The following PCDH15 variants were observed in gnomAD, a reference collection of about 807,000 sequenced individuals.
PCDH15 encodes the protein protocadherin-15.
PCDH15 carries 129 observed loss-of-function variants against 178.5 expected under a neutral mutation model. The ratio of observed to expected loss-of-function variants is 0.72; its 90% CI spans 0.63 to 0.84. The LOEUF (loss-of-function observed/expected upper bound fraction) is 0.84, where lower values mean the gene tolerates loss of function less well. PCDH15 is among the 40% of genes least tolerant of loss of function. The pLI, the probability that PCDH15 is intolerant of heterozygous loss-of-function variation, is 0.00. For missense variants in PCDH15, 2,230 were observed against 2,099.9 expected, an observed-to-expected ratio of 1.06 and a Z score of -1.21; for synonymous variants, 800 against 732.0, an observed-to-expected ratio of 1.09 and a Z score of -1.50.
At chr10:53,843,737 GA>G (rs2132819564) in intron 28 of PCDH15, among the ~76,000 whole-genome samples, 1 of 152,038 alleles carries the variant, frequency 6.6e-6, no homozygotes, top group East Asian at 1.9e-4. Context: ...GTTTAAAAAT[GA>G]AAAAAATTAA....
chr10:55,010,920 T>C (rs1395857572), intron 2 of PCDH15, among the ~76,000 whole-genome samples: 1 of 152,074 alleles, frequency 6.6e-6, no homozygotes, highest in Non-Finnish European at 1.5e-5. Flanking sequence ...TCTTCTTTCA[T>C]AGGAAAACCC....
chr10:54,619,458 A>G (rs1457278033), intron 2 of PCDH15: 3 of 152,092 alleles, frequency 2.0e-5, no homozygotes, highest in African/African-American at 7.2e-5. Flanking sequence ...TAATATAATT[A>G]TTACATCTAG....
At chr10:55,107,589 T>C (rs1837387286) in intron 2 of PCDH15, among the ~76,000 whole-genome samples, 1 of 149,440 alleles carries the variant, frequency 6.7e-6, no homozygotes, top group Non-Finnish European at 1.5e-5. Context: ...CCTCCTGGGT[T>C]CAAGCGATTC....
intron 7 of PCDH15, among the ~76,000 whole-genome samples, chr10:54,323,056 A>G (rs1284730871): frequency 6.6e-6 from 1 of 152,188 alleles, no homozygotes; most frequent in East Asian, 1.9e-4. Flanking sequence ...GGCAAGGGAC[A>G]TGAACAGACA....
intron 26 of PCDH15, among the ~76,000 whole-genome samples, chr10:53,878,215 A>AATAT (rs140273411): frequency 0.028 from 3,621 of 127,164 alleles, 90 homozygotes; most frequent in East Asian, 0.11. Context: ...ACACACTTTG[A>AATAT]ATATATATAT....
intron 3 of PCDH15, among the ~76,000 whole-genome samples, chr10:54,413,034 CTGAACT>C (rs1214540916): frequency 6.6e-6 from 1 of 152,188 alleles, no homozygotes; most frequent in Non-Finnish European, 1.5e-5. Context: ...TACTTGCTTA[CTGAACT>C]TTGTATTCCA....
intron 3 of PCDH15, among the ~76,000 whole-genome samples, chr10:54,834,421 C>T (rs1182079444): frequency 2.0e-5 from 3 of 151,866 alleles, no homozygotes; most frequent in African/African-American, 4.8e-5. Flanking sequence ...TCAGGTGATT[C>T]GCCCGCCTCA....
chr10:53,827,217 T>G lies in PCDH15; in HGVS notation c.4367+176A>C, dbSNP rs543584936. On this transcript the variant is annotated intron_variant, in intron 32 of 37. Transcript: ENST00000644397. ...TAATTTCTGGTTTGGTTTTGGCTAT[T>G]ATTTTTCAACTTAACCTTTCTTAGA... 3.0e-4 allele frequency among the ~76,000 whole-genome samples: 46 copies of G among 152,292 alleles called. 1 individual carries two copies. Among genetic ancestry groups the G allele is most frequent in the Middle Eastern group, 3.4e-3 (1 of 294 alleles).
intron 1 of PCDH15, among the ~76,000 whole-genome samples, chr10:54,751,584 A>G (rs1159011952): frequency 6.6e-6 from 1 of 152,186 alleles, no homozygotes; most frequent in African/African-American, 2.4e-5. Context: ...TTAGAGAAAA[A>G]TTGGACAAAT....
At chr10:55,584,425 G>A (rs1298829182) in intron 2 of PCDH15, among the ~76,000 whole-genome samples, 3 of 151,396 alleles carry the variant, frequency 2.0e-5, no homozygotes, top group African/African-American at 4.8e-5. Flanking sequence ...TTGAGAGACC[G>A]ACCTGGGCAG....
chr10:54,333,461 T>C (rs1342286), intron 6 of PCDH15, among the ~76,000 whole-genome samples: 102,241 of 151,328 alleles, frequency 0.68, 35,285 homozygotes, highest in Middle Eastern at 0.82. Context: ...GGTATCTTTA[T>C]GATAGTCTTC....
chr10:54,099,698 A>G (rs1033269710), intron 15 of PCDH15, among the ~76,000 whole-genome samples: 2 of 151,794 alleles, frequency 1.3e-5, no homozygotes, highest in Non-Finnish European at 2.9e-5. Context: ...CAAAGCATTA[A>G]TTTGATGCCC....
intron 2 of PCDH15, among the ~76,000 whole-genome samples, chr10:54,932,593 C>T (rs894965815): frequency 1.3e-5 from 2 of 152,102 alleles, no homozygotes; most frequent in Non-Finnish European, 2.9e-5. Context: ...CTCATTTTGT[C>T]GCCCAGGAGT....
intron 3 of PCDH15, among the ~76,000 whole-genome samples, chr10:54,483,659 C>T (rs916536258): frequency 2.6e-5 from 4 of 151,720 alleles, no homozygotes; most frequent in African/African-American, 9.7e-5. Context: ...AAACAGAAAA[C>T]CTAAAGAAAT....
chr10:54,995,985 T>G (rs1466974701), intron 2 of PCDH15, among the ~76,000 whole-genome samples: 1 of 152,190 alleles, frequency 6.6e-6, no homozygotes, highest in Non-Finnish European at 1.5e-5. Context: ...CTGCAATACC[T>G]CATTAAATTC....
At chr10:54,526,835 C>T (rs1021679237) in intron 3 of PCDH15, among the ~76,000 whole-genome samples, 1 of 152,094 alleles carries the variant, frequency 6.6e-6, no homozygotes, top group Non-Finnish European at 1.5e-5. Context: ...ATCTGTAATG[C>T]AGCAAAATCA....
At chr10:54,985,786 A>C (rs1289279358) in intron 2 of PCDH15, among the ~76,000 whole-genome samples, 1 of 152,232 alleles carries the variant, frequency 6.6e-6, no homozygotes, top group African/African-American at 2.4e-5. Context: ...AAGTTGAAGC[A>C]TTGTAAGTCA....
intron 2 of PCDH15, among the ~76,000 whole-genome samples, chr10:55,137,025 TGA>T (rs1838213621): frequency 6.6e-6 from 1 of 151,594 alleles, no homozygotes; most frequent in African/African-American, 2.4e-5. Flanking sequence ...TTAAATTTAA[TGA>T]TGGTTACATT....
chr10:54,099,184 T>C (rs1330834243), intron 15 of PCDH15, among the ~76,000 whole-genome samples: 5 of 151,974 alleles, frequency 3.3e-5, no homozygotes, highest in Non-Finnish European at 5.9e-5. Context: ...GTGAGAGAAG[T>C]AGACAGAAAG....
Sources: gnomAD v4.1 joint callset for allele counts (sites outside exome capture counted in the v4.1 genomes callset) on GRCh38, gnomAD v4.1.1 for gene constraint, MANE v1.5 for transcripts, NCBI Gene and HGNC (gene_info 2026-07-23, HGNC 2026-07-21) for gene names.